Variants in CFAP119 observed in about 807,000 individuals in gnomAD.
CFAP119 encodes cilia- and flagella-associated protein 119.
At chr16:30,761,225 G>A in the CFAP119 span, 1 of 1,613,742 alleles carries the variant, frequency 6.2e-7, no homozygotes, top group Non-Finnish European at 8.5e-7. Context: ...TCGGGGCAGC[G>A]GCGGCTGCGG....
the CFAP119 span, chr16:30,761,498 G>A: frequency 6.5e-7 from 1 of 1,532,792 alleles, no homozygotes; most frequent in Non-Finnish European, 8.7e-7. Flanking sequence ...CTGCGGGGGA[G>A]CCGGTTTATA....
At chr16:30,761,016 T>C in the CFAP119 span, 1 of 666,530 alleles carries the variant, frequency 1.5e-6, no homozygotes, top group Non-Finnish European at 2.5e-6. Context: ...TCTTTTTTTC[T>C]CACACTGCCT....
chr16:30,761,152 T>C, the CFAP119 span: 3 of 1,605,010 alleles, frequency 1.9e-6, no homozygotes, highest in East Asian at 2.2e-5. Context: ...GGGGAGACAA[T>C]AAAGAACGCA....
chr16:30,761,666 G>A, the CFAP119 span: 2 of 1,535,874 alleles, frequency 1.3e-6, no homozygotes, highest in Non-Finnish European at 1.7e-6. Flanking sequence ...ATCCTTCCCC[G>A]CTTCCCGCCG....
At chr16:30,759,566 GAAGAT>G in the CFAP119 span, 1 of 1,614,122 alleles carries the variant, frequency 6.2e-7, no homozygotes, top group Non-Finnish European at 8.5e-7. Flanking sequence ...GTCTTCACAA[GAAGAT>G]AAGGGTGATG....
At chr16:30,758,773 GCGAA>G in the CFAP119 span, 1 of 603,572 alleles carries the variant, frequency 1.7e-6, no homozygotes, top group Non-Finnish European at 2.8e-6. Flanking sequence ...CAGGCTGGTC[GCGAA>G]CTCCTGAGCT....
At chr16:30,757,459 G>T in the CFAP119 span, 1 of 1,608,542 alleles carries the variant, frequency 6.2e-7, no homozygotes, top group Non-Finnish European at 8.5e-7. Flanking sequence ...GACCTTTATT[G>T]GGGAAAATGT....
the CFAP119 span, chr16:30,760,018 A>G: frequency 6.1e-6 from 9 of 1,483,006 alleles, no homozygotes; most frequent in African/African-American, 1.3e-4. Flanking sequence ...AAGAGCTATT[A>G]AACATTCTAA....
the CFAP119 span, chr16:30,761,526 C>G: frequency 6.5e-7 from 1 of 1,536,054 alleles, no homozygotes; most frequent in South Asian, 1.2e-5. Context: ...ACGAGCAGAC[C>G]AGACTGTCCC....
the CFAP119 span, chr16:30,759,117 A>G: frequency 6.2e-7 from 1 of 1,614,208 alleles, no homozygotes; most frequent in South Asian, 1.1e-5. Flanking sequence ...AACCAGAAGC[A>G]GGAAGAGACT....
the CFAP119 span, chr16:30,759,461 G>A: frequency 6.2e-7 from 1 of 1,614,242 alleles, no homozygotes; most frequent in Non-Finnish European, 8.5e-7. Flanking sequence ...GGAGGCCGCT[G>A]TGGTGGTGAC....
At chr16:30,757,567 T>C in the CFAP119 span, 1 of 1,614,250 alleles carries the variant, frequency 6.2e-7, no homozygotes, top group Admixed American at 1.7e-5. Context: ...CTCGCTGGCC[T>C]TGAGCCGCTC....
chr16:30,761,360 G>C, the CFAP119 span: 2 of 1,432,490 alleles, frequency 1.4e-6, no homozygotes, highest in South Asian at 1.2e-5. Flanking sequence ...GGGCGAGGGA[G>C]GGCTTCAGCA....
chr16:30,757,540 T>C, the CFAP119 span: 2 of 1,614,262 alleles, frequency 1.2e-6, no homozygotes, highest in South Asian at 2.2e-5. Flanking sequence ...TGCAGTCAAC[T>C]TGCTGCTGAG....
At chr16:30,760,999 CTT>C in the CFAP119 span, 1 of 638,060 alleles carries the variant, frequency 1.6e-6, no homozygotes, top group Non-Finnish European at 2.7e-6. Flanking sequence ...TACATTCTGT[CTT>C]TGGCTCTTTT....
chr16:30,761,481 G>A, the CFAP119 span: 2 of 1,528,648 alleles, frequency 1.3e-6, no homozygotes, highest in South Asian at 2.4e-5. Flanking sequence ...ATAATGACAG[G>A]TGGCGCCTGC....
At chr16:30,761,089 G>T in the CFAP119 span, 1 of 1,271,134 alleles carries the variant, frequency 7.9e-7, no homozygotes, top group Non-Finnish European at 1.1e-6. Flanking sequence ...TGCATCTCCA[G>T]GCCTCAGTCT....
chr16:30,760,201 T>G, the CFAP119 span: 1 of 1,609,834 alleles, frequency 6.2e-7, no homozygotes. Flanking sequence ...AGAAATCCCC[T>G]GCTTCTGCTT....
the CFAP119 span, chr16:30,758,728 G>A: frequency 5.1e-5 from 22 of 433,482 alleles, 1 homozygote; most frequent in South Asian, 5.1e-4. Context: ...GCTATTTTTT[G>A]TATTTTAGTA....
Sources: allele counts gnomAD v4.1 joint callset, GRCh38; gene constraint gnomAD v4.1.1; transcripts MANE v1.5; gene names NCBI Gene and HGNC (gene_info 2026-07-23, HGNC 2026-07-21).